Variants in NDUFAF2 observed in about 807,000 individuals in gnomAD.
NDUFAF2 encodes NADH dehydrogenase [ubiquinone] 1 alpha subcomplex assembly factor 2.
Under a neutral mutation model 22.8 loss-of-function variants are expected in NDUFAF2, and 13 were observed. The ratio of observed to expected loss-of-function variants is 0.57; its 90% CI spans 0.37 to 0.91. The LOEUF is 0.91. Among genes scored for constraint, NDUFAF2 ranks in the 40% least tolerant of loss-of-function variants. NDUFAF2 has a pLI of 0.01. For synonymous variants in NDUFAF2, 53 were observed against 64.2 expected, an observed-to-expected ratio of 0.83 and a Z score of 0.84; for missense variants, 162 against 195.2, an observed-to-expected ratio of 0.83 and a Z score of 1.01.
intron 1 of NDUFAF2, among the ~76,000 whole-genome samples, chr5:60,962,934 G>A (rs1377418893): frequency 1.3e-5 from 2 of 152,006 alleles, no homozygotes; most frequent in African/African-American, 4.8e-5. Flanking sequence ...AGCCCAGGCT[G>A]GAGTGCAGTG....
At chr5:60,997,166 G>A (rs956852421) in intron 1 of NDUFAF2, among the ~76,000 whole-genome samples, 2 of 152,112 alleles carry the variant, frequency 1.3e-5, no homozygotes, top group African/African-American at 4.8e-5. Context: ...TATAATAGAG[G>A]CATTGATGCA....
intron 3 of NDUFAF2, among the ~76,000 whole-genome samples, chr5:61,150,652 G>A (rs886093501): frequency 6.6e-6 from 1 of 152,072 alleles, no homozygotes; most frequent in Non-Finnish European, 1.5e-5. Context: ...ACAGCTTCAG[G>A]TGACATGACT....
At chr5:60,950,299 G>T (rs988502731) in intron 1 of NDUFAF2, among the ~76,000 whole-genome samples, 1 of 151,998 alleles carries the variant, frequency 6.6e-6, no homozygotes, top group African/African-American at 2.4e-5. Flanking sequence ...CGATTTTTCT[G>T]CCTCAGCCTC....
intron 2 of NDUFAF2, among the ~76,000 whole-genome samples, chr5:61,085,461 A>G (rs1752494802): frequency 1.3e-5 from 2 of 152,202 alleles, no homozygotes; most frequent in Admixed American, 6.6e-5. Context: ...GGTGAAAGGC[A>G]GAACACTTTC....
chr5:60,954,483 A>G (rs1167861466), intron 1 of NDUFAF2, among the ~76,000 whole-genome samples: 1 of 152,088 alleles, frequency 6.6e-6, no homozygotes, highest in East Asian at 1.9e-4. Flanking sequence ...TTCTTCCTGT[A>G]TCTTTACAGT....
intron 2 of NDUFAF2, among the ~76,000 whole-genome samples, chr5:61,085,368 A>T (rs1752493185): frequency 6.6e-6 from 1 of 152,190 alleles, no homozygotes; most frequent in Non-Finnish European, 1.5e-5. Flanking sequence ...ACTCTCCACA[A>T]ACTTAAAATA....
At chr5:61,128,954 A>G (rs963756096) in intron 3 of NDUFAF2, among the ~76,000 whole-genome samples, 1 of 152,290 alleles carries the variant, frequency 6.6e-6, no homozygotes, top group East Asian at 1.9e-4. Flanking sequence ...AATTTACAAG[A>G]AAAAAACAAC....
At chr5:61,030,658 A>C (rs1286576603) in intron 1 of NDUFAF2, among the ~76,000 whole-genome samples, 2 of 152,122 alleles carry the variant, frequency 1.3e-5, no homozygotes, top group African/African-American at 4.8e-5. Context: ...TTTTATTAAA[A>C]GTTCAATACA....
At chr5:61,055,113 A>G (rs1047181094) in intron 1 of NDUFAF2, among the ~76,000 whole-genome samples, 7 of 152,206 alleles carry the variant, frequency 4.6e-5, no homozygotes, top group Non-Finnish European at 1.0e-4. Flanking sequence ...TATATATAGT[A>G]TTGCTTTGTT....
intron 1 of NDUFAF2, among the ~76,000 whole-genome samples, chr5:60,996,282 T>C (rs1751227726): frequency 6.6e-6 from 1 of 152,122 alleles, no homozygotes; most frequent in Non-Finnish European, 1.5e-5. Context: ...GGATGTGTCA[T>C]TGTCTTCAAG....
chr5:61,136,525 T>C (rs559071762), intron 3 of NDUFAF2, among the ~76,000 whole-genome samples: 1 of 152,126 alleles, frequency 6.6e-6, no homozygotes, highest in Non-Finnish European at 1.5e-5. Flanking sequence ...CCACCTGCAT[T>C]TCATAGAGTT....
At chr5:61,044,564 C>T (rs999552297) in intron 1 of NDUFAF2, among the ~76,000 whole-genome samples, 3 of 152,098 alleles carry the variant, frequency 2.0e-5, no homozygotes, top group Non-Finnish European at 2.9e-5. Flanking sequence ...TTTTCCAACA[C>T]CAATTTATTG....
chr5:60,976,654 C>A (rs1750906291), intron 1 of NDUFAF2, among the ~76,000 whole-genome samples: 1 of 152,086 alleles, frequency 6.6e-6, no homozygotes, highest in African/African-American at 2.4e-5. Flanking sequence ...TCACTTTAAG[C>A]TTAAAAGATT....
rs1752735992 is a variant in NDUFAF2, at chr5:61,104,325, G to A, written c.258+5293G>A. On this transcript the variant is annotated intron_variant, in intron 3 of 3. Coordinates refer to ENST00000296597, the MANE Select transcript of NDUFAF2 (RefSeq NM_174889.5). ...TTTATACTAACACAATAGGAAAAGT[G>A]TAAAGTTTTTTGTTTGAACAAGTGG... Among the ~76,000 whole-genome samples, 4 of 152,136 alleles carry A rather than the reference G, an allele frequency of 2.6e-5. No homozygotes were observed. In the South Asian group the frequency reaches 8.3e-4, roughly 32 times the overall value.
At chr5:60,969,074 C>G (rs1047046454) in intron 1 of NDUFAF2, among the ~76,000 whole-genome samples, 1 of 152,062 alleles carries the variant, frequency 6.6e-6, no homozygotes, top group African/African-American at 2.4e-5. Context: ...TGGTACTCCA[C>G]TGTGTATGTG....
At position 61,010,107 on chromosome 5, in the gene NDUFAF2, G is replaced by C. The variant is rs560920901; in HGVS notation, c.128-63018G>C. 4.6e-5 allele frequency among the ~76,000 whole-genome samples: 7 copies of C among 152,148 alleles called. No homozygotes were observed. The South Asian group carries it at 1.5e-3, about 32-fold the overall frequency. On this transcript the variant is annotated intron_variant, in intron 1 of 3. Coordinates refer to ENST00000296597, the MANE Select transcript of NDUFAF2 (RefSeq NM_174889.5). ...TACCTCTACCCTGGTCTAGTCATCT[G>C]TCACTTTCTCCTGAACTATAACTAC...
intron 3 of NDUFAF2, among the ~76,000 whole-genome samples, chr5:61,105,734 T>A (rs569701683): frequency 1.5e-4 from 23 of 150,960 alleles, no homozygotes; most frequent in Non-Finnish European, 2.9e-4. Flanking sequence ...AGATAGTGGG[T>A]CAAACATGTA....
chr5:61,135,300 C>T (rs933094294), intron 3 of NDUFAF2, among the ~76,000 whole-genome samples: 22 of 152,136 alleles, frequency 1.4e-4, no homozygotes, highest in Non-Finnish European at 2.5e-4. Context: ...TGTCAAGTCT[C>T]GGGCAGGAAA....
chr5:61,153,000 T>A lies in NDUFAF2; in HGVS notation c.*45T>A. 5 of 1,601,416 alleles carry A rather than the reference T, an allele frequency of 3.1e-6. No individual in the cohort carries two copies. The highest frequency in any genetic ancestry group is 4.3e-6 in the Non-Finnish European group (5 of 1,170,676). Reference sequence around the variant, plus strand: ...TTTCATGTATATGGATGTGACTATTTTAACAAATAAAAGAAGTGAAAAGTT... The same window carrying A: ...TTTCATGTATATGGATGTGACTATTATAACAAATAAAAGAAGTGAAAAGTT... On this transcript the variant is annotated 3_prime_UTR_variant, in exon 4 of 4. Transcript: ENST00000296597.
Sources: allele counts gnomAD v4.1 joint callset (sites outside exome capture counted in the v4.1 genomes callset), GRCh38; gene constraint gnomAD v4.1.1; transcripts MANE v1.5; gene names NCBI Gene and HGNC (gene_info 2026-07-23, HGNC 2026-07-21).